Variants in SHISA6 observed in about 807,000 individuals in gnomAD.
SHISA6 encodes the protein shisa family member 6.
SHISA6 carries 22 observed loss-of-function variants against 47.9 expected under a neutral mutation model. The observed-to-expected ratio is 0.46, with a 90% confidence interval of 0.33 to 0.66. The LOEUF is 0.66. Ranked by LOEUF, SHISA6 falls within the 30% of genes least tolerant of loss-of-function variation. SHISA6 has a pLI of 0.02. For missense variants in SHISA6, 680 were observed against 764.6 expected, an observed-to-expected ratio of 0.89 and a Z score of 1.30; for synonymous variants, 388 against 337.8, an observed-to-expected ratio of 1.15 and a Z score of -1.63.
intron 3 of SHISA6, among the ~76,000 whole-genome samples, chr17:11,466,790 A>C (rs550288011): frequency 6.6e-6 from 1 of 152,280 alleles, no homozygotes; most frequent in East Asian, 1.9e-4. Flanking sequence ...TTCATTGGCA[A>C]TTGCCTCCCA....
intron 2 of SHISA6, among the ~76,000 whole-genome samples, chr17:11,282,886 C>T (rs537168413): frequency 6.6e-6 from 1 of 152,316 alleles, no homozygotes; most frequent in Admixed American, 6.5e-5. Flanking sequence ...TCATTCACTC[C>T]AATTTTCCCC....
chr17:11,370,401 C>T (rs1912597909), intron 2 of SHISA6, among the ~76,000 whole-genome samples: 1 of 152,138 alleles, frequency 6.6e-6, no homozygotes, highest in Admixed American at 6.6e-5. Flanking sequence ...TGGAGACGTC[C>T]ATGGATCCCA....
At chr17:11,348,243 C>T (rs73975303) in intron 2 of SHISA6, among the ~76,000 whole-genome samples, 2,611 of 152,092 alleles carry the variant, frequency 0.017, 73 homozygotes, top group African/African-American at 0.056. Flanking sequence ...ATTTATGGGA[C>T]CAAAAAGAGT....
intron 3 of SHISA6, among the ~76,000 whole-genome samples, chr17:11,443,136 G>A (rs918712181): frequency 2.8e-4 from 42 of 152,316 alleles, no homozygotes; most frequent in African/African-American, 8.2e-4. Context: ...ACTTGACCCG[G>A]CCTGAGAAGC....
chr17:11,394,620 G>A lies in SHISA6; in HGVS notation c.895+15111G>A, dbSNP rs181073259. Among the ~76,000 whole-genome samples, 220 of 152,170 alleles carry A rather than the reference G, an allele frequency of 1.4e-3. No homozygotes were observed. In the East Asian group the frequency reaches 0.039, roughly 27 times the overall value. On this transcript the variant is annotated intron_variant, in intron 3 of 5. Transcript: ENST00000441885. ...GCACCTCCCCCATGACTGCTTAATC[G>A]TATATGCTATTATACCATCATTTAT...
At position 11,241,545 on chromosome 17, in the gene SHISA6, C is replaced by T. The variant is rs962708809; in HGVS notation, c.123C>T (p.Ala41=). ...GGACCCTGAGTGCAGGCGGCGCTGC[C>T]GTCGGGGGCCGGAGGGCCGGGGGCG... is the stretch of plus-strand genomic sequence containing the variant. The part of the protein sequence containing the change: ...ANRTLSAGGA[A]VGGRRAGGAL... The change falls in exon 1 of 6, where the codon GCC becomes GCT. Residue 41 remains alanine (A), a synonymous_variant. Transcript: ENST00000441885. This position sits in a 1 kb window ranked among gnomAD's most constrained non-coding sequence, Gnocchi z 5.5. 3.7e-6 allele frequency: 4 copies of T among 1,084,322 alleles called. No individual in the cohort carries two copies. The highest frequency in any genetic ancestry group is 3.4e-5 in the African/African-American group (2 of 58,766). The allele number at this position is 1,084,322 out of a possible 1,614,324, so 67.2% of individuals were successfully genotyped here. A position where few individuals can be genotyped will look rare whatever the true frequency, so the allele number is the denominator to read the frequency against.
At chr17:11,392,378 T>A (rs1050623726) in intron 3 of SHISA6, among the ~76,000 whole-genome samples, 6 of 152,006 alleles carry the variant, frequency 3.9e-5, no homozygotes, top group Non-Finnish European at 7.4e-5. Flanking sequence ...AGTAGAGGGG[T>A]GTTGGCTCTT....
At chr17:11,347,553 C>A (rs1176931826) in intron 2 of SHISA6, among the ~76,000 whole-genome samples, 1 of 152,156 alleles carries the variant, frequency 6.6e-6, no homozygotes, top group Non-Finnish European at 1.5e-5. Flanking sequence ...ATATTATTTG[C>A]ATCTCACAGA....
At chr17:11,361,401 C>T (rs1011786937) in intron 2 of SHISA6, among the ~76,000 whole-genome samples, 3 of 152,180 alleles carry the variant, frequency 2.0e-5, no homozygotes, top group South Asian at 2.1e-4. Flanking sequence ...TTTAGGGCAT[C>T]GTGGAACCTA....
intron 3 of SHISA6, among the ~76,000 whole-genome samples, chr17:11,394,322 G>A (rs906808444): frequency 3.3e-5 from 5 of 152,056 alleles, no homozygotes; most frequent in South Asian, 4.1e-4. Context: ...CTGCACCTCC[G>A]TACCTGTAAA....
chr17:11,252,077 T>C (rs1227348262), intron 1 of SHISA6, among the ~76,000 whole-genome samples: 1 of 152,100 alleles, frequency 6.6e-6, no homozygotes, highest in African/African-American at 2.4e-5. Flanking sequence ...TGTCCCTGCT[T>C]GACTCATGCC....
chr17:11,541,025 ACT>A (rs1411011526), intron 3 of SHISA6, among the ~76,000 whole-genome samples: 1 of 152,024 alleles, frequency 6.6e-6, no homozygotes, highest in Non-Finnish European at 1.5e-5. Context: ...TCTGCCACCA[ACT>A]CTCTGATCTT....
chr17:11,393,847 T>G (rs1248255600), intron 3 of SHISA6, among the ~76,000 whole-genome samples: 1 of 152,188 alleles, frequency 6.6e-6, no homozygotes, highest in Non-Finnish European at 1.5e-5. Flanking sequence ...TAGCCAAAAT[T>G]GGTTTCTTTT....
rs1456645951 is a variant in SHISA6 at position 11,241,503 on chromosome 17, C to T, written c.81C>T (p.Arg27=). Residue 27 remains arginine (R), a synonymous_variant, in exon 1 of 6, where the codon CGC becomes CGT. Coordinates refer to ENST00000441885, the MANE Select transcript of SHISA6 (RefSeq NM_207386.4). The surrounding 1 kb of genome is among the most constrained non-coding windows in gnomAD (Gnocchi z 5.5). ...LDLLPSVHGA[R]GRAANRTLSA... ...TGCTGCCCAGCGTCCACGGAGCCCG[C>T]GGCCGCGCCGCCAACCGGACCCTGA... 1.7e-6 allele frequency: 2 copies of T among 1,156,574 alleles called. No individual in the cohort carries two copies. The highest frequency in any genetic ancestry group is 2.3e-5 in the South Asian group (1 of 43,628). The allele number at this position is 1,156,574 out of a possible 1,614,324, so 71.6% of individuals were successfully genotyped here. A position where few individuals can be genotyped will look rare whatever the true frequency, so the allele number is the denominator to read the frequency against.
intron 3 of SHISA6, among the ~76,000 whole-genome samples, chr17:11,397,806 G>A (rs1408953637): frequency 1.3e-5 from 2 of 151,942 alleles, no homozygotes; most frequent in African/African-American, 2.4e-5. Context: ...GGACATCAGA[G>A]TTGATGATTC....
At chr17:11,376,543 C>T (rs1001485887) in intron 2 of SHISA6, among the ~76,000 whole-genome samples, 4 of 152,142 alleles carry the variant, frequency 2.6e-5, no homozygotes, top group Non-Finnish European at 5.9e-5. Flanking sequence ...CCAGGATGGT[C>T]TCGATCTCCT....
chr17:11,504,584 G>A (rs2969180), intron 3 of SHISA6, among the ~76,000 whole-genome samples: 52,278 of 151,960 alleles, frequency 0.34, 8,987 homozygotes, highest in East Asian at 0.51. Context: ...CACATGCATC[G>A]GCCCAGGCAG....
At chr17:11,263,619 T>C in intron 2 of SHISA6, 93 bp downstream of exon 2, 2 of 1,459,506 alleles carry the variant, frequency 1.4e-6, no homozygotes, top group Non-Finnish European at 1.9e-6. Flanking sequence ...TGGACCATGA[T>C]GGTGTGATGA....
chr17:11,493,579 GCGCACA>G (rs1017750379), intron 3 of SHISA6, among the ~76,000 whole-genome samples: 5 of 151,668 alleles, frequency 3.3e-5, no homozygotes, highest in African/African-American at 1.2e-4. Flanking sequence ...ACGCGTGCGC[GCGCACA>G]CACACACACA....
Sources: gnomAD v4.1 joint callset for allele counts (sites outside exome capture counted in the v4.1 genomes callset) on GRCh38, gnomAD v4.1.1 for gene constraint, Gnocchi (gnomAD v3.1) non-coding constraint, MANE v1.5 for transcripts, NCBI Gene and HGNC (gene_info 2026-07-23, HGNC 2026-07-21) for gene names.